The following FTCDNL1 variants were observed in gnomAD, a reference collection of about 807,000 sequenced individuals.
The protein encoded by FTCDNL1 is formiminotransferase N-terminal subdomain-containing protein.
A neutral mutation model predicts 5.9 loss-of-function variants in FTCDNL1; 11 were observed. The ratio of observed to expected loss-of-function variants is 1.87; its 90% confidence interval spans 1.18 to 3.10. The LOEUF (loss-of-function observed/expected upper bound fraction) is 3.10. Among genes scored for constraint, FTCDNL1 ranks in the 30% most tolerant of loss-of-function variants. FTCDNL1 has a pLI of 0.00. For synonymous variants in FTCDNL1, 58 were observed against 24.8 expected (o/e 2.34, Z -3.99); for missense variants, 115 against 65.5 (o/e 1.76, Z -2.61).
the FTCDNL1 span, among the ~76,000 whole-genome samples, chr2:199,730,580 C>T: frequency 6.6e-6 from 1 of 152,066 alleles, no homozygotes; most frequent in Non-Finnish European, 1.5e-5. Context: ...AGCCAACAAA[C>T]ATGTGAAAAA....
chr2:199,785,249 CTTTTT>C lies in FTCDNL1; in HGVS notation c.212-24419_212-24415del, dbSNP rs61047289. On this transcript the variant is annotated intron_variant, in intron 3 of 3. Transcript: ENST00000416668. ...AGGGTCTCTAAACTCTTCCAAATTCCTTTTTTTTTTTTTTTTGAGACAGAATCTCA... is the reference window on the plus strand; with the variant it reads ...AGGGTCTCTAAACTCTTCCAAATTCCTTTTTTTTTTTGAGACAGAATCTCA... Among the ~76,000 whole-genome samples the C allele has an allele frequency of 4.2e-4, 32 of 76,866 alleles. 1 individual carries two copies. The highest frequency in any genetic ancestry group is 2.2e-3 in the Admixed American group (10 of 4,474). 50.4% of individuals were successfully genotyped at this position (76,866 alleles called of 152,430 possible).
chr2:199,752,957 T>C, the FTCDNL1 span, among the ~76,000 whole-genome samples: 1 of 152,136 alleles, frequency 6.6e-6, no homozygotes, highest in African/African-American at 2.4e-5. Context: ...CACAGCAGTG[T>C]ATCTAATTGG....
At chr2:199,765,840 G>C (rs926079595) in intron 3 of FTCDNL1, among the ~76,000 whole-genome samples, 1 of 151,802 alleles carries the variant, frequency 6.6e-6, no homozygotes, top group African/African-American at 2.4e-5. Flanking sequence ...ACTGTGTCTG[G>C]CCTTCATTCT....
At chr2:199,780,321 G>A (rs1369300902) in intron 3 of FTCDNL1, among the ~76,000 whole-genome samples, 1 of 152,124 alleles carries the variant, frequency 6.6e-6, no homozygotes, top group Non-Finnish European at 1.5e-5. Context: ...TCCTGAGGAG[G>A]GACTCTGTTA....
intron 3 of FTCDNL1, among the ~76,000 whole-genome samples, chr2:199,803,805 C>T (rs1195513680): frequency 6.6e-6 from 1 of 152,106 alleles, no homozygotes; most frequent in Non-Finnish European, 1.5e-5. Context: ...TATAAACCTA[C>T]AGGTATGGGA....
the FTCDNL1 span, among the ~76,000 whole-genome samples, chr2:199,751,560 C>T: frequency 6.6e-6 from 1 of 151,990 alleles, no homozygotes; most frequent in Non-Finnish European, 1.5e-5. Context: ...CAGGCACAGC[C>T]GTCTTTGTTA....
intron 3 of FTCDNL1, among the ~76,000 whole-genome samples, chr2:199,825,641 C>T (rs2106545574): frequency 6.6e-6 from 1 of 152,292 alleles, no homozygotes; most frequent in South Asian, 2.1e-4. Context: ...GCCAGCATCT[C>T]TCTTGCTCCC....
rs1292741312 is a variant in FTCDNL1 at position 199,834,743 on chromosome 2, C to A, written c.211+11332G>T. 2.6e-5 allele frequency among the ~76,000 whole-genome samples: 4 copies of A among 152,350 alleles called. No individual in the cohort carries two copies. The East Asian group carries it at 7.7e-4, about 29-fold the overall frequency. On this transcript the variant is annotated intron_variant, in intron 3 of 4. Coordinates refer to ENST00000420128, the MANE Select transcript of FTCDNL1 (RefSeq NM_001363886.2). Reference sequence around the variant, plus strand: ...CGTGTATTATTTGTCACGCTCTCCTCTTAAACCTACCCCAATACTCTTATT... The same window carrying A: ...CGTGTATTATTTGTCACGCTCTCCTATTAAACCTACCCCAATACTCTTATT...
intron 3 of FTCDNL1, among the ~76,000 whole-genome samples, chr2:199,828,161 C>CA (rs1020907047): frequency 6.6e-6 from 1 of 151,610 alleles, no homozygotes; most frequent in African/African-American, 2.4e-5. Context: ...GCCTGTGTTT[C>CA]AAAAAAAATC....
At chr2:199,744,003 G>C in the FTCDNL1 span, among the ~76,000 whole-genome samples, 1 of 152,154 alleles carries the variant, frequency 6.6e-6, no homozygotes, top group East Asian at 1.9e-4. Flanking sequence ...GAAGGCCTTA[G>C]GCTTTATATG....
At chr2:199,821,323 T>A (rs1301912077) in intron 3 of FTCDNL1, among the ~76,000 whole-genome samples, 3 of 150,698 alleles carry the variant, frequency 2.0e-5, no homozygotes, top group Non-Finnish European at 4.4e-5. Flanking sequence ...CTAATTTTTT[T>A]TTTTTTTTTT....
At chr2:199,762,077 T>C (rs1698298003) in intron 3 of FTCDNL1, among the ~76,000 whole-genome samples, 1 of 152,150 alleles carries the variant, frequency 6.6e-6, no homozygotes, top group African/African-American at 2.4e-5. Flanking sequence ...TTGTAATGTT[T>C]TAAGAAAGTT....
the FTCDNL1 span, among the ~76,000 whole-genome samples, chr2:199,722,799 T>C: frequency 6.6e-6 from 1 of 152,214 alleles, no homozygotes; most frequent in African/African-American, 2.4e-5. Flanking sequence ...CTGATTTCCT[T>C]GAGCAGTGTT....
Position 199,812,618 on chromosome 2 carries a change from C to G in FTCDNL1, c.*87G>C. ...TTGCAGTTTCGCTCCACTCCCGCCT[C>G]CCGCAGATTGGCACTCAGCTGCTCT... On this transcript the variant is annotated 3_prime_UTR_variant, in exon 5 of 5. Transcript: ENST00000420128. 1.8e-6 allele frequency: 1 copy of G among 566,928 alleles called. No individual in the cohort carries two copies. Among genetic ancestry groups the G allele is most frequent in the Non-Finnish European group, 3.1e-6 (1 of 317,594 alleles). The allele number at this position is 566,928 out of a possible 1,614,324, so 35.1% of individuals were successfully genotyped here.
At chr2:199,730,262 G>C in the FTCDNL1 span, among the ~76,000 whole-genome samples, 1 of 148,612 alleles carries the variant, frequency 6.7e-6, no homozygotes, top group Non-Finnish European at 1.5e-5. Flanking sequence ...AAGAAAACCT[G>C]GGTAATACAT....
chr2:199,699,738 G>C, the FTCDNL1 span, among the ~76,000 whole-genome samples: 3 of 152,180 alleles, frequency 2.0e-5, no homozygotes, highest in Admixed American at 2.0e-4. Flanking sequence ...TGCAAGGTTG[G>C]TTCAACATAT....
At chr2:199,722,340 C>T in the FTCDNL1 span, among the ~76,000 whole-genome samples, 4,143 of 152,284 alleles carry the variant, frequency 0.027, 186 homozygotes, top group African/African-American at 0.094. Flanking sequence ...CAGTTTTCTG[C>T]ATATGGCTGG....
chr2:199,708,147 T>C, the FTCDNL1 span, among the ~76,000 whole-genome samples: 1 of 152,084 alleles, frequency 6.6e-6, no homozygotes, highest in Admixed American at 6.6e-5. Flanking sequence ...TCATTTTGGA[T>C]AAGTCTACTG....
At chr2:199,797,139 A>G (rs1481347859) in intron 3 of FTCDNL1, among the ~76,000 whole-genome samples, 1 of 152,252 alleles carries the variant, frequency 6.6e-6, no homozygotes, top group Non-Finnish European at 1.5e-5. Context: ...CTAATGAGAA[A>G]TACAGTATAA....
Sources: allele counts gnomAD v4.1 joint callset (sites outside exome capture counted in the v4.1 genomes callset), GRCh38; gene constraint gnomAD v4.1.1; transcripts MANE v1.5; gene names NCBI Gene and HGNC (gene_info 2026-07-23, HGNC 2026-07-21).